Variants in ARHGAP15 observed in about 807,000 individuals in gnomAD.
ARHGAP15 encodes the protein rho GTPase-activating protein 15.
ARHGAP15 carries 51 observed loss-of-function variants against 63.7 expected under a neutral mutation model. The ratio of observed to expected loss-of-function variants is 0.80; its 90% CI spans 0.64 to 1.01. The LOEUF is 1.01. Ranked by LOEUF, ARHGAP15 falls within the 50% of genes least tolerant of loss-of-function variation. ARHGAP15 has a pLI of 0.00. For missense variants in ARHGAP15, 560 were observed against 564.6 expected, an observed-to-expected ratio of 0.99 and a Z score of 0.08; for synonymous variants, 191 against 193.8, an observed-to-expected ratio of 0.99 and a Z score of 0.12.
At chr2:143,477,071 T>C (rs1691850147) in intron 8 of ARHGAP15, among the ~76,000 whole-genome samples, 1 of 152,180 alleles carries the variant, frequency 6.6e-6, no homozygotes, top group Non-Finnish European at 1.5e-5. Context: ...TTTTAACACA[T>C]GTTCAAAGTC....
At chr2:143,522,882 T>TCTATATGACG (rs1694115141) in intron 10 of ARHGAP15, among the ~76,000 whole-genome samples, 1 of 152,146 alleles carries the variant, frequency 6.6e-6, no homozygotes, top group Admixed American at 6.6e-5. Flanking sequence ...CTTTGTGTAG[T>TCTATATGACG]TTATGATGAC....
At chr2:143,676,806 T>C (rs911923667) in intron 12 of ARHGAP15, among the ~76,000 whole-genome samples, 33 of 152,070 alleles carry the variant, frequency 2.2e-4, no homozygotes, top group African/African-American at 7.7e-4. Flanking sequence ...AGACACAAAA[T>C]GGGCACATAC....
intron 11 of ARHGAP15, among the ~76,000 whole-genome samples, chr2:143,568,303 A>T (rs2105113393): frequency 6.6e-6 from 1 of 152,330 alleles, no homozygotes; most frequent in South Asian, 2.1e-4. Flanking sequence ...GAATCTACAA[A>T]GAACTTAAAC....
chr2:143,287,934 T>C (rs1349919289), intron 6 of ARHGAP15, among the ~76,000 whole-genome samples: 1 of 152,220 alleles, frequency 6.6e-6, no homozygotes, highest in Non-Finnish European at 1.5e-5. Flanking sequence ...GAATGTTCCA[T>C]TCAGACTGAC....
chr2:143,345,560 TGTA>T (rs1275448302), intron 6 of ARHGAP15, among the ~76,000 whole-genome samples: 1 of 152,122 alleles, frequency 6.6e-6, no homozygotes, highest in African/African-American at 2.4e-5. Context: ...GGAATCTGTC[TGTA>T]TTTTTTTTTA....
intron 8 of ARHGAP15, among the ~76,000 whole-genome samples, chr2:143,450,799 G>A (rs1427282721): frequency 1.3e-5 from 2 of 151,920 alleles, no homozygotes; most frequent in Non-Finnish European, 2.9e-5. Flanking sequence ...TTTAAGGTGA[G>A]TCAGTTTAGG....
intron 6 of ARHGAP15, among the ~76,000 whole-genome samples, chr2:143,270,269 C>T (rs1241109920): frequency 6.6e-6 from 1 of 152,200 alleles, no homozygotes; most frequent in African/African-American, 2.4e-5. Flanking sequence ...TATGAAACTT[C>T]ATTTGATTTT....
At chr2:143,132,633 C>T (rs2104977407) in intron 1 of ARHGAP15, among the ~76,000 whole-genome samples, 1 of 152,206 alleles carries the variant, frequency 6.6e-6, no homozygotes, top group East Asian at 1.9e-4. Flanking sequence ...CAGGCCCACT[C>T]CTGCACTGGG....
intron 11 of ARHGAP15, among the ~76,000 whole-genome samples, chr2:143,576,996 TC>T (rs1696705895): frequency 6.6e-6 from 1 of 152,142 alleles, no homozygotes; most frequent in Non-Finnish European, 1.5e-5. Context: ...AAACTAATCC[TC>T]CTAATTGCAA....
rs1182405180 is a variant in ARHGAP15 at position 143,224,050 on chromosome 2, G to A, written c.297-4531G>A. Among the ~76,000 whole-genome samples the A allele has an allele frequency of 3.3e-5, 5 of 152,250 alleles. No homozygotes were observed. In the East Asian group the frequency reaches 7.7e-4, roughly 24 times the overall value. ...GTTTGGCACGTGGTAAATGTTTAAT[G>A]GAGACATGTGACCAGCTTAGTAATT... is the stretch of plus-strand genomic sequence containing the variant. On this transcript the variant is annotated intron_variant, in intron 4 of 13. Coordinates refer to ENST00000295095, the MANE Select transcript of ARHGAP15 (RefSeq NM_018460.4).
At chr2:143,738,848 GGTT>G (rs945613785) in intron 13 of ARHGAP15, among the ~76,000 whole-genome samples, 1 of 152,114 alleles carries the variant, frequency 6.6e-6, no homozygotes, top group Admixed American at 6.6e-5. Context: ...AAGACACTCT[GGTT>G]GGTCCCATTC....
intron 11 of ARHGAP15, among the ~76,000 whole-genome samples, chr2:143,559,831 G>A (rs1695952451): frequency 6.6e-6 from 1 of 152,218 alleles, no homozygotes; most frequent in Non-Finnish European, 1.5e-5. Context: ...AAAGTGCTAT[G>A]TAAAGGCAGT....
chr2:143,407,990 T>G (rs1312038688), intron 6 of ARHGAP15, among the ~76,000 whole-genome samples: 1 of 28,128 alleles, frequency 3.6e-5, no homozygotes, highest in African/African-American at 2.0e-4. Context: ...TGTGTGTGTA[T>G]ATATATATAT....
At chr2:143,473,864 T>G (rs369752288) in intron 8 of ARHGAP15, among the ~76,000 whole-genome samples, 3 of 152,208 alleles carry the variant, frequency 2.0e-5, no homozygotes, top group African/African-American at 7.2e-5. Context: ...GTACTTAATG[T>G]CTCAAGAAGC....
intron 4 of ARHGAP15, among the ~76,000 whole-genome samples, chr2:143,218,599 C>G (rs1197655708): frequency 6.6e-6 from 1 of 152,020 alleles, no homozygotes; most frequent in Non-Finnish European, 1.5e-5. Flanking sequence ...GTATCATAAA[C>G]CTTATTATGT....
At chr2:143,356,124 C>T (rs1056320590) in intron 6 of ARHGAP15, among the ~76,000 whole-genome samples, 1 of 151,874 alleles carries the variant, frequency 6.6e-6, no homozygotes, top group Non-Finnish European at 1.5e-5. Context: ...TTATTTTCAT[C>T]CGAAGAGATA....
intron 6 of ARHGAP15, among the ~76,000 whole-genome samples, chr2:143,431,053 C>G (rs372219191): frequency 9.2e-5 from 14 of 152,082 alleles, no homozygotes; most frequent in African/African-American, 3.4e-4. Context: ...TTTTTCATAG[C>G]AAGAGAGTGC....
At chr2:143,183,973 T>A (rs551305096) in intron 2 of ARHGAP15, among the ~76,000 whole-genome samples, 1 of 152,310 alleles carries the variant, frequency 6.6e-6, no homozygotes, top group South Asian at 2.1e-4. Flanking sequence ...CTTTGACTAT[T>A]AGCCCATGGC....
intron 6 of ARHGAP15, among the ~76,000 whole-genome samples, chr2:143,369,738 C>T (rs1205894429): frequency 6.6e-6 from 1 of 152,122 alleles, no homozygotes. Context: ...GCAAGGTATT[C>T]TACCAGGCAC....
Sources: allele counts gnomAD v4.1 joint callset (sites outside exome capture counted in the v4.1 genomes callset), GRCh38; gene constraint gnomAD v4.1.1; transcripts MANE v1.5; gene names NCBI Gene and HGNC (gene_info 2026-07-23, HGNC 2026-07-21).